Variants in KCNQ5 observed in about 807,000 individuals in gnomAD.
KCNQ5 encodes the protein potassium voltage-gated channel subfamily Q member 5.
In KCNQ5, 30 loss-of-function variants were observed where a neutral mutation model predicts 98.2. The observed-to-expected ratio is 0.31, with a 90% CI of 0.23 to 0.41. The LOEUF (loss-of-function observed/expected upper bound fraction) is 0.41. Among genes scored for constraint, KCNQ5 ranks in the 10% least tolerant of loss-of-function variants. The probability of loss-of-function intolerance (pLI) is 1.00; values close to 1 mark genes in which losing one functional copy is unlikely to be tolerated. For synonymous variants in KCNQ5, 458 were observed against 449.4 expected (o/e 1.02, Z -0.24); for missense variants, 835 against 1,182.5 (o/e 0.71, Z 4.31).
intron 1 of KCNQ5, among the ~76,000 whole-genome samples, chr6:72,903,686 C>T (rs1435565797): frequency 6.6e-6 from 1 of 152,122 alleles, no homozygotes; most frequent in African/African-American, 2.4e-5. Context: ...CCACTGTGGT[C>T]TGAAAGAGTG....
intron 1 of KCNQ5, among the ~76,000 whole-genome samples, chr6:72,672,617 A>G (rs543117800): frequency 1.4e-4 from 21 of 151,282 alleles, no homozygotes; most frequent in East Asian, 1.4e-3. Context: ...GAAAGTGACA[A>G]CCTCCTGGGG....
chr6:72,649,587 G>A (rs1415737228), intron 1 of KCNQ5, among the ~76,000 whole-genome samples: 1 of 152,100 alleles, frequency 6.6e-6, no homozygotes, highest in Non-Finnish European at 1.5e-5. Context: ...GCACACAAAT[G>A]ACCAGAATAT....
intron 1 of KCNQ5, among the ~76,000 whole-genome samples, chr6:72,671,091 C>T (rs903618194): frequency 1.3e-5 from 2 of 152,106 alleles, no homozygotes; most frequent in Non-Finnish European, 2.9e-5. Context: ...CTTTAACGCC[C>T]GTATTTCTAC....
At chr6:73,061,424 G>T (rs543410679) in intron 3 of KCNQ5, among the ~76,000 whole-genome samples, 2 of 152,286 alleles carry the variant, frequency 1.3e-5, no homozygotes, top group East Asian at 3.9e-4. Flanking sequence ...TGGCACAGAT[G>T]AAGTACAGTT....
intron 1 of KCNQ5, among the ~76,000 whole-genome samples, chr6:72,648,150 A>G (rs1211293531): frequency 1.3e-5 from 2 of 152,170 alleles, no homozygotes; most frequent in Admixed American, 6.5e-5. Flanking sequence ...CATAAAGAAC[A>G]TAAGGCCATT....
intron 1 of KCNQ5, among the ~76,000 whole-genome samples, chr6:72,739,288 G>A (rs927445767): frequency 6.6e-6 from 1 of 152,146 alleles, no homozygotes; most frequent in African/African-American, 2.4e-5. Context: ...ATAATTGTGG[G>A]GGAATTATAG....
chr6:72,722,591 A>G (rs1385987138), intron 1 of KCNQ5, among the ~76,000 whole-genome samples: 2 of 152,148 alleles, frequency 1.3e-5, no homozygotes, highest in Non-Finnish European at 2.9e-5. Flanking sequence ...CTCCACCTAG[A>G]AGTGAACTGA....
At chr6:72,760,998 A>C (rs1013310766) in intron 1 of KCNQ5, among the ~76,000 whole-genome samples, 1 of 152,148 alleles carries the variant, frequency 6.6e-6, no homozygotes, top group Admixed American at 6.5e-5. Flanking sequence ...CTGTGATAAC[A>C]GTCATCTGTT....
chr6:72,861,314 G>A (rs570908371), intron 1 of KCNQ5, among the ~76,000 whole-genome samples: 206 of 23,360 alleles, frequency 8.8e-3, no homozygotes, highest in African/African-American at 0.027. Flanking sequence ...TTCCTTTAAA[G>A]GATTATTTAA....
intron 11 of KCNQ5, 55 bp from the exon 12 acceptor site, chr6:73,190,518 G>T (rs1006839215): frequency 3.3e-6 from 3 of 909,902 alleles, no homozygotes; most frequent in Non-Finnish European, 4.5e-6. Flanking sequence ...AAACTATTTT[G>T]GTAACTTATA....
At chr6:73,106,469 C>T (rs995996174) in intron 6 of KCNQ5, among the ~76,000 whole-genome samples, 1 of 152,122 alleles carries the variant, frequency 6.6e-6, no homozygotes, top group African/African-American at 2.4e-5. Flanking sequence ...TCACAGTTCC[C>T]AAGACTGGAC....
At chr6:72,780,147 C>A (rs1038358687) in intron 1 of KCNQ5, among the ~76,000 whole-genome samples, 1 of 152,134 alleles carries the variant, frequency 6.6e-6, no homozygotes, top group African/African-American at 2.4e-5. Context: ...AACATTACCA[C>A]AAACCACAGT....
chr6:73,162,487 T>G (rs1247933272), intron 10 of KCNQ5, among the ~76,000 whole-genome samples: 1 of 152,168 alleles, frequency 6.6e-6, no homozygotes, highest in Admixed American at 6.5e-5. Flanking sequence ...AGGTTTTGAC[T>G]AGGTGCTCAC....
intron 1 of KCNQ5, among the ~76,000 whole-genome samples, chr6:72,796,579 G>T (rs549165678): frequency 2.6e-5 from 4 of 152,186 alleles, no homozygotes; most frequent in Admixed American, 6.5e-5. Context: ...AATAAGATTC[G>T]AAGGATATGG....
At chr6:72,809,481 G>A (rs1404398980) in intron 1 of KCNQ5, among the ~76,000 whole-genome samples, 2 of 152,102 alleles carry the variant, frequency 1.3e-5, no homozygotes, top group East Asian at 1.9e-4. Flanking sequence ...GAACCAGGGA[G>A]GTGGAGGTTG....
intron 3 of KCNQ5, among the ~76,000 whole-genome samples, chr6:73,058,788 C>T (rs971081832): frequency 2.6e-5 from 4 of 152,070 alleles, no homozygotes; most frequent in Admixed American, 2.0e-4. Flanking sequence ...AAGACATACA[C>T]GTGGCCAAGA....
At chr6:72,773,944 C>T (rs770481328) in intron 1 of KCNQ5, among the ~76,000 whole-genome samples, 1 of 151,980 alleles carries the variant, frequency 6.6e-6, no homozygotes, top group Non-Finnish European at 1.5e-5. Context: ...AATAGAGATT[C>T]CAGAAGCAGA....
chr6:73,175,170 AAC>A (rs1778164663), intron 11 of KCNQ5, among the ~76,000 whole-genome samples: 1 of 151,600 alleles, frequency 6.6e-6, no homozygotes, highest in African/African-American at 2.4e-5. Flanking sequence ...TTTTTTTTGA[AAC>A]AGAGTTTCAC....
chr6:72,722,762 T>C (rs1770036529), intron 1 of KCNQ5, among the ~76,000 whole-genome samples: 1 of 151,656 alleles, frequency 6.6e-6, no homozygotes, highest in Non-Finnish European at 1.5e-5. Flanking sequence ...GTTAATCCCA[T>C]GAAATTAAGC....
Sources: gnomAD v4.1 joint callset for allele counts (sites outside exome capture counted in the v4.1 genomes callset) on GRCh38, gnomAD v4.1.1 for gene constraint, MANE v1.5 for transcripts, NCBI Gene and HGNC (gene_info 2026-07-23, HGNC 2026-07-21) for gene names.